Variants in OLFML2A observed in about 807,000 individuals in gnomAD.
OLFML2A encodes olfactomedin like 2A.
OLFML2A carries 47 observed loss-of-function variants against 60.9 expected under a neutral mutation model. The observed-to-expected ratio is 0.77, with a 90% confidence interval of 0.61 to 0.98. OLFML2A has a LOEUF of 0.98. Ranked by LOEUF, OLFML2A falls within the 50% of genes least tolerant of loss-of-function variation. OLFML2A has a pLI of 0.00. For synonymous variants in OLFML2A, 372 were observed against 375.0 expected (o/e 0.99, Z 0.09); for missense variants, 922 against 879.8 (o/e 1.05, Z -0.61).
intron 2 of OLFML2A, among the ~76,000 whole-genome samples, chr9:124,790,255 C>G (rs897144418): frequency 5.9e-5 from 9 of 152,192 alleles, no homozygotes; most frequent in Non-Finnish European, 8.8e-5. Context: ...GCAACCTCCA[C>G]CCGGCTCCCC....
intron 3 of OLFML2A, 68 bp downstream of exon 3, chr9:124,795,199 G>A: frequency 1.1e-6 from 1 of 914,718 alleles, no homozygotes; most frequent in Non-Finnish European, 1.7e-6. Flanking sequence ...CTGTCCGAAG[G>A]GGCCCCGGCA....
At chr9:124,784,751 C>T (rs924647258) in intron 1 of OLFML2A, among the ~76,000 whole-genome samples, 2 of 152,082 alleles carry the variant, frequency 1.3e-5, no homozygotes, top group African/African-American at 4.8e-5. Context: ...TCCCCATTTC[C>T]GTCTCTCTCT....
At position 124,814,640 on chromosome 9, in the gene OLFML2A, G is replaced by A. The variant is rs1842082132; in HGVS notation, c.*4228G>A. ...ACTGTTGGTAGGAATCTTGTAACCA[G>A]TCATGTTTTCTTCCTTGTTTTGGCC... On this transcript the variant is annotated 3_prime_UTR_variant, in exon 8 of 8. Coordinates refer to ENST00000373580, the MANE Select transcript of OLFML2A (RefSeq NM_182487.4). The A allele has an allele frequency of 6.6e-6, 1 of 152,174 alleles. No homozygotes were observed. The highest frequency in any genetic ancestry group is 1.5e-5 in the Non-Finnish European group (1 of 68,040). The allele number at this position is 152,174 out of a possible 1,614,324, so 9.4% of individuals were successfully genotyped here.
At position 124,777,215 on chromosome 9, in the gene OLFML2A, C is replaced by A; in HGVS notation, c.-56C>A. 1 of 661,246 alleles carries A rather than the reference C, an allele frequency of 1.5e-6. No individual in the cohort carries two copies. The highest frequency in any genetic ancestry group is 2.1e-6 in the Non-Finnish European group (1 of 474,710). The allele number at this position is 661,246 out of a possible 1,614,324, so 41.0% of individuals were successfully genotyped here. A position where few individuals can be genotyped will look rare whatever the true frequency, so the allele number is the denominator to read the frequency against. ...CGAAGGCGCGGAGCTCGCAGTGCAG[C>A]CCGCGCTTCCCAGCGTCCGTGCCCG... On this transcript the variant is annotated 5_prime_UTR_variant, in exon 1 of 8. Coordinates refer to ENST00000373580, the MANE Select transcript of OLFML2A (RefSeq NM_182487.4). This position sits in a 1 kb window ranked among gnomAD's most constrained non-coding sequence, Gnocchi z 6.2.
Position 124,805,808 on chromosome 9 carries a change from G to GTTT in OLFML2A, c.1168+1489_1168+1491dup, listed in dbSNP as rs59555267. The stretch of plus-strand genomic sequence containing the variant: ...TGTTGTTGTTGTTTTGGTTTTTTTG[G>GTTT]TTTTTTTTTTTTTTTTTTTTTTTTT... On this transcript the variant is annotated intron_variant, in intron 6 of 7. Coordinates refer to ENST00000373580, the MANE Select transcript of OLFML2A (RefSeq NM_182487.4). 3.0e-3 allele frequency among the ~76,000 whole-genome samples: 211 copies of GTTT among 71,266 alleles called. 1 individual carries two copies. Among genetic ancestry groups the GTTT allele is most frequent in the African/African-American group, 5.2e-3 (96 of 18,592 alleles). 46.8% of individuals were successfully genotyped at this position (71,266 alleles called of 152,430 possible).
chr9:124,777,461 G>T lies in OLFML2A; in HGVS notation c.90+101G>T. 1 of 1,141,748 alleles carries T rather than the reference G, an allele frequency of 8.8e-7. No homozygotes were observed. 70.7% of individuals were successfully genotyped at this position (1,141,748 alleles called of 1,614,324 possible). A position where few individuals can be genotyped will look rare whatever the true frequency, so the allele number is the denominator to read the frequency against. Reference sequence around the variant, plus strand: ...CGGGAGGGAGCCCGGGGCCAGGGCGGAGGAGCCGGGAGCTGAGAGACCGAA... The same window carrying T: ...CGGGAGGGAGCCCGGGGCCAGGGCGTAGGAGCCGGGAGCTGAGAGACCGAA... On this transcript the variant is annotated intron_variant, in intron 1 of 7. Transcript: ENST00000373580. This position sits in a 1 kb window ranked among gnomAD's most constrained non-coding sequence, Gnocchi z 6.2.
chr9:124,786,288 T>C (rs1841468111), intron 1 of OLFML2A, among the ~76,000 whole-genome samples: 1 of 152,094 alleles, frequency 6.6e-6, no homozygotes, highest in Non-Finnish European at 1.5e-5. Flanking sequence ...CTGGGCATGG[T>C]GGCGCATGCC....
chr9:124,806,141 TTTATC>T (rs1324049556), intron 6 of OLFML2A, among the ~76,000 whole-genome samples: 1 of 152,048 alleles, frequency 6.6e-6, no homozygotes, highest in Non-Finnish European at 1.5e-5. Flanking sequence ...GTTTTTATTT[TTTATC>T]TTATAAGAGT....
At chr9:124,798,943 A>G (rs1254354753) in intron 3 of OLFML2A, among the ~76,000 whole-genome samples, 11 of 152,198 alleles carry the variant, frequency 7.2e-5, no homozygotes, top group South Asian at 4.1e-4. Context: ...GTAAATATAC[A>G]GACTCTCTTT....
intron 1 of OLFML2A, among the ~76,000 whole-genome samples, chr9:124,781,456 A>G (rs1443938013): frequency 1.3e-5 from 2 of 152,050 alleles, no homozygotes; most frequent in African/African-American, 2.4e-5. Context: ...CCTCATGGTG[A>G]GGCGGGGCTG....
chr9:124,777,357 T>A lies in OLFML2A; in HGVS notation c.87T>A (p.Ser29Arg), dbSNP rs371047734. ...GCGGCCGCCCCACGCGCGCCGACAGTAAGGTACGCACGCCCCTCGGACCCG... is the reference window on the plus strand; with the variant it reads ...GCGGCCGCCCCACGCGCGCCGACAGAAAGGTACGCACGCCCCTCGGACCCG... The part of the protein sequence containing the change: ...LLSGRPTRAD[S>R]KVFGDLDQVR... The change falls in exon 1 of 8, where the codon AGT (serine) becomes AGA (arginine). Residue 29 changes from serine (S) to arginine (R), a missense_variant. Ser to Arg is a moderately radical substitution (Grantham distance 110, BLOSUM62 -1). Transcript: ENST00000373580. The surrounding 1 kb of genome is among the most constrained non-coding windows in gnomAD (Gnocchi z 6.2). The A allele has an allele frequency of 8.8e-4, 1,128 of 1,283,502 alleles. 18 individuals are homozygous for A. The East Asian group carries it at 0.03, about 34-fold the overall frequency. The allele number at this position is 1,283,502 out of a possible 1,614,324, so 79.5% of individuals were successfully genotyped here.
chr9:124,807,733 G>C (rs754752605), intron 6 of OLFML2A, 48 bp from the exon 7 acceptor site: 1 of 1,483,768 alleles, frequency 6.7e-7, no homozygotes, highest in East Asian at 2.3e-5. Flanking sequence ...CTCTGGCTGG[G>C]GGGCTTGGGG....
chr9:124,786,954 C>T (rs1353220947), intron 1 of OLFML2A, 21 bp from the exon 2 acceptor site: 2 of 1,596,566 alleles, frequency 1.3e-6, no homozygotes, highest in East Asian at 2.2e-5. Context: ...TCACTGGAGC[C>T]CCTCTTGCCC....
intron 6 of OLFML2A, among the ~76,000 whole-genome samples, chr9:124,806,098 G>A (rs1474649886): frequency 2.0e-5 from 3 of 151,444 alleles, no homozygotes; most frequent in African/African-American, 7.3e-5. Context: ...AAGAACAGAA[G>A]AAAATTTTTC....
Position 124,813,563 on chromosome 9 carries a change from T to C in OLFML2A, c.*3151T>C, listed in dbSNP as rs997245113. The C allele has an allele frequency of 6.6e-6, 1 of 152,136 alleles. No homozygotes were observed. The highest frequency in any genetic ancestry group is 1.5e-5 in the Non-Finnish European group (1 of 68,020). The allele number at this position is 152,136 out of a possible 1,614,324, so 9.4% of individuals were successfully genotyped here. ...CTTTGCCACCAGCCTGTCACTCCAG[T>C]GGCAGCTCCAGAAACGGAGGCTGTT... On this transcript the variant is annotated 3_prime_UTR_variant, in exon 8 of 8. Transcript: ENST00000373580.
At chr9:124,786,500 C>A (rs961048930) in intron 1 of OLFML2A, among the ~76,000 whole-genome samples, 3 of 151,974 alleles carry the variant, frequency 2.0e-5, no homozygotes, top group Admixed American at 1.3e-4. Context: ...GCGGGCGGAT[C>A]ACAAGGTTAG....
rs1193191965 is a variant in OLFML2A, at chr9:124,813,980, A to AAAGGCAAAGG, written c.*3582_*3591dup. The AAAGGCAAAGG allele has an allele frequency of 6.6e-6, 1 of 152,226 alleles. No individual in the cohort carries two copies. The highest frequency in any genetic ancestry group is 2.4e-5 in the African/African-American group (1 of 41,434). The allele number at this position is 152,226 out of a possible 1,614,324, so 9.4% of individuals were successfully genotyped here. A position where few individuals can be genotyped will look rare whatever the true frequency, so the allele number is the denominator to read the frequency against. ...AGGTCTTCTTGCTGACCTCGTCTAC[A>AAAGGCAAAGG]AAGGCAAAGGAAGGCAAAGGAAGCT... is the stretch of plus-strand genomic sequence containing the variant. On this transcript the variant is annotated 3_prime_UTR_variant, in exon 8 of 8. Transcript: ENST00000373580.
At chr9:124,804,705 A>C (rs1453156403) in intron 6 of OLFML2A, among the ~76,000 whole-genome samples, 1 of 151,652 alleles carries the variant, frequency 6.6e-6, no homozygotes, top group African/African-American at 2.4e-5. Flanking sequence ...GCCTGGGCGA[A>C]AGAAATTTTT....
chr9:124,787,242 G>T lies in OLFML2A; in HGVS notation c.354+4G>T, dbSNP rs541614895. 8.7e-5 allele frequency: 141 copies of T among 1,612,750 alleles called. No homozygotes were observed. The South Asian group carries it at 1.4e-3, about 16-fold the overall frequency. Reference sequence around the variant, plus strand: ...GCAGGCGCCCGAGCTCCTCAAGGTAGACTTGGTGGGGTGATGGAGGGAGTA... The same window carrying T: ...GCAGGCGCCCGAGCTCCTCAAGGTATACTTGGTGGGGTGATGGAGGGAGTA... On this transcript the variant is annotated splice_donor_region_variant and intron_variant, in intron 2 of 7. Transcript: ENST00000373580.
Sources: gnomAD v4.1 joint callset for allele counts (sites outside exome capture counted in the v4.1 genomes callset) on GRCh38, gnomAD v4.1.1 for gene constraint, Gnocchi (gnomAD v3.1) non-coding constraint, MANE v1.5 for transcripts, NCBI Gene and HGNC (gene_info 2026-07-23, HGNC 2026-07-21) for gene names.